CREB3L2: variants seen among roughly 807,000 people sequenced by gnomAD.
CREB3L2 encodes the protein cyclic AMP-responsive element-binding protein 3-like protein 2.
A neutral mutation model predicts 57.2 loss-of-function variants in CREB3L2; 23 were observed. The observed-to-expected ratio is 0.40, with a 90% CI of 0.29 to 0.57. CREB3L2 has a LOEUF of 0.57. CREB3L2 is among the 20% of genes least tolerant of loss of function. The probability of loss-of-function intolerance (pLI) is 0.42; values close to 1 mark genes in which losing one functional copy is unlikely to be tolerated. For missense variants in CREB3L2, 628 were observed against 634.7 expected (o/e 0.99, Z 0.11); for synonymous variants, 268 against 265.1 (o/e 1.01, Z -0.11).
At chr7:137,920,513 T>C (rs936264159) in intron 2 of CREB3L2, among the ~76,000 whole-genome samples, 2 of 152,156 alleles carry the variant, frequency 1.3e-5, no homozygotes, top group Admixed American at 6.5e-5. Flanking sequence ...ATTACGATAA[T>C]AAATGACTGA....
chr7:137,911,656 G>C (rs910948047), intron 4 of CREB3L2, among the ~76,000 whole-genome samples: 4 of 152,124 alleles, frequency 2.6e-5, no homozygotes, highest in Non-Finnish European at 5.9e-5. Context: ...TGGGCAACAT[G>C]GTGAAACCCT....
chr7:137,980,643 G>A lies in CREB3L2; in HGVS notation c.102+20961C>T, dbSNP rs1801697705. ...TCAGACTTCCCCAACCAGTGGCCCA[G>A]GCTCCTAAAATACATGACATGGGAT... On this transcript the variant is annotated intron_variant, in intron 1 of 11. Coordinates refer to ENST00000330387, the MANE Select transcript of CREB3L2 (RefSeq NM_194071.4). This position sits in a 1 kb window ranked among gnomAD's most constrained non-coding sequence, Gnocchi z 4.3. Among the ~76,000 whole-genome samples, 1 of 152,224 alleles carries A rather than the reference G, an allele frequency of 6.6e-6. No homozygotes were observed. Among genetic ancestry groups the A allele is most frequent in the East Asian group, 1.9e-4 (1 of 5,192 alleles).
At chr7:137,946,732 T>A in intron 1 of CREB3L2, among the ~76,000 whole-genome samples, 1 of 136,008 alleles carries the variant, frequency 7.4e-6, no homozygotes, top group Non-Finnish European at 1.5e-5. Context: ...TATATATAGT[T>A]TTATATATAG....
chr7:137,877,830 C>T lies in CREB3L2; in HGVS notation c.*2646G>A, dbSNP rs1482468172. 4.4e-6 allele frequency: 1 copy of T among 228,332 alleles called. No individual in the cohort carries two copies. The highest frequency in any genetic ancestry group is 6.3e-5 in the East Asian group (1 of 15,890). The allele number at this position is 228,332 out of a possible 1,614,324, so 14.1% of individuals were successfully genotyped here. A position where few individuals can be genotyped will look rare whatever the true frequency, so the allele number is the denominator to read the frequency against. On this transcript the variant is annotated 3_prime_UTR_variant, in exon 12 of 12. Transcript: ENST00000330387. Reference sequence around the variant, plus strand: ...ATCCACTGATATTCTGGTCTTAATCCCTGAACAGAAAATGTGCACACATCC... The same window carrying T: ...ATCCACTGATATTCTGGTCTTAATCTCTGAACAGAAAATGTGCACACATCC...
chr7:137,953,556 G>T, intron 1 of CREB3L2: 1 of 1,271,706 alleles, frequency 7.9e-7, no homozygotes, highest in Non-Finnish European at 1.0e-6. Context: ...GGGAGAGTTG[G>T]GTGGGTGATG....
At chr7:137,898,274 G>A (rs116335794) in intron 8 of CREB3L2, among the ~76,000 whole-genome samples, 2,053 of 152,272 alleles carry the variant, frequency 0.013, 40 homozygotes, top group African/African-American at 0.046. Context: ...TGTTGGCAAT[G>A]GTGTGGAGAA....
intron 2 of CREB3L2, among the ~76,000 whole-genome samples, chr7:137,923,007 A>G (rs1031017074): frequency 5.3e-5 from 8 of 152,184 alleles, no homozygotes; most frequent in Admixed American, 1.3e-4. Flanking sequence ...ACATGCTCCA[A>G]TGGAAGTTAC....
At position 137,994,164 on chromosome 7, in the gene CREB3L2, C is replaced by T. The variant is rs979158380; in HGVS notation, c.102+7440G>A. ...ATCACTCATTTGGACAATTCAGATG[C>T]CCTGCAACCATAGGCCTCAATCCTA... On this transcript the variant is annotated intron_variant, in intron 1 of 11. Transcript: ENST00000330387. Among the ~76,000 whole-genome samples the T allele has an allele frequency of 3.3e-5, 5 of 152,184 alleles. 1 individual carries two copies. In the South Asian group the frequency reaches 8.3e-4, roughly 25 times the overall value.
chr7:137,944,912 A>G (rs1250290720), intron 1 of CREB3L2, among the ~76,000 whole-genome samples: 1 of 151,604 alleles, frequency 6.6e-6, no homozygotes, highest in Non-Finnish European at 1.5e-5. Context: ...ATTTTTTTTG[A>G]GACAGAGTCT....
In CREB3L2 at chr7:137,880,358, T is replaced by C; in HGVS notation, c.*118A>G. 1.2e-6 allele frequency: 1 copy of C among 815,142 alleles called. No individual in the cohort carries two copies. Among genetic ancestry groups the C allele is most frequent in the South Asian group, 1.5e-5 (1 of 64,816 alleles). 50.5% of individuals were successfully genotyped at this position (815,142 alleles called of 1,614,324 possible). ...AGGCTGGTCTCCAATCTGAAGCCAC[T>C]AATGCTTGCCCATGTCTCCATGAAG... is the stretch of plus-strand genomic sequence containing the variant. On this transcript the variant is annotated 3_prime_UTR_variant, in exon 12 of 12. Transcript: ENST00000330387. This position sits in a 1 kb window ranked among gnomAD's most constrained non-coding sequence, Gnocchi z 4.0.
chr7:137,917,674 A>G (rs1279982068), intron 2 of CREB3L2, among the ~76,000 whole-genome samples: 2 of 152,216 alleles, frequency 1.3e-5, no homozygotes, highest in Non-Finnish European at 2.9e-5. Flanking sequence ...GATTATTAAA[A>G]TTATGTTTCA....
At chr7:137,990,670 G>T (rs1191948681) in intron 1 of CREB3L2, among the ~76,000 whole-genome samples, 1 of 152,104 alleles carries the variant, frequency 6.6e-6, no homozygotes, top group Non-Finnish European at 1.5e-5. Context: ...GGTAACCTTG[G>T]ATTTAAATTT....
At chr7:137,923,657 A>T (rs1295466174) in intron 2 of CREB3L2, among the ~76,000 whole-genome samples, 1 of 152,210 alleles carries the variant, frequency 6.6e-6, no homozygotes, top group African/African-American at 2.4e-5. Context: ...AGATCTCTTC[A>T]ACACTGCAAA....
At chr7:137,905,406 A>C (rs991405716) in intron 6 of CREB3L2, among the ~76,000 whole-genome samples, 12 of 151,298 alleles carry the variant, frequency 7.9e-5, no homozygotes. Flanking sequence ...AAAAAAAAAA[A>C]AAAACTAGAT....
intron 10 of CREB3L2, 97 bp downstream of exon 10, chr7:137,884,898 A>G (rs1320964748): frequency 6.5e-7 from 1 of 1,531,672 alleles, no homozygotes; most frequent in Non-Finnish European, 9.0e-7. Context: ...CTTTTTAAAC[A>G]TTGGACTTTC....
At chr7:137,900,020 G>A (rs927605276) in intron 8 of CREB3L2, among the ~76,000 whole-genome samples, 1 of 152,068 alleles carries the variant, frequency 6.6e-6, no homozygotes. Flanking sequence ...TTAATTTGTT[G>A]GATCTCTAAC....
intron 1 of CREB3L2, among the ~76,000 whole-genome samples, chr7:137,994,418 T>C (rs1042106654): frequency 6.6e-6 from 1 of 152,196 alleles, no homozygotes; most frequent in African/African-American, 2.4e-5. Context: ...TCCTGCATGG[T>C]AAGCATGATT....
chr7:137,935,455 G>T (rs1427062274), intron 1 of CREB3L2, among the ~76,000 whole-genome samples: 1 of 152,124 alleles, frequency 6.6e-6, no homozygotes, highest in Non-Finnish European at 1.5e-5. Flanking sequence ...ACCTTGAATT[G>T]ATCTCTCATT....
intron 1 of CREB3L2, chr7:137,956,716 G>C: frequency 9.1e-7 from 1 of 1,099,820 alleles, no homozygotes; most frequent in Non-Finnish European, 1.2e-6. Context: ...TCACAATCCA[G>C]GTTCTGAATT....
Sources: allele counts gnomAD v4.1 joint callset (sites outside exome capture counted in the v4.1 genomes callset), GRCh38; gene constraint gnomAD v4.1.1; non-coding constraint Gnocchi (gnomAD v3.1); transcripts MANE v1.5; gene names NCBI Gene and HGNC (gene_info 2026-07-23, HGNC 2026-07-21).